AGBL1: variants seen among roughly 807,000 people sequenced by gnomAD.
AGBL1 encodes the protein AGBL carboxypeptidase 1, also known as cytosolic carboxypeptidase 4.
A neutral mutation model predicts 118.9 loss-of-function variants in AGBL1; 130 were observed. The observed-to-expected ratio is 1.09, with a 90% CI of 0.95 to 1.26. The LOEUF is 1.26. Among genes scored for constraint, AGBL1 ranks in the 50% most tolerant of loss-of-function variants. The pLI is 0.00. For synonymous variants in AGBL1, 555 were observed against 478.9 expected (o/e 1.16, Z -2.08); for missense variants, 1,584 against 1,298.1 (o/e 1.22, Z -3.38).
chr15:86,692,109 C>T (rs1053577711), intron 22 of AGBL1, among the ~76,000 whole-genome samples: 5 of 151,882 alleles, frequency 3.3e-5, no homozygotes, highest in African/African-American at 7.2e-5. Flanking sequence ...ACCCGGGAGG[C>T]GGAGCTTGCA....
At chr15:86,999,272 C>T (rs1351205089) in intron 24 of AGBL1, among the ~76,000 whole-genome samples, 1 of 151,250 alleles carries the variant, frequency 6.6e-6, no homozygotes, top group Non-Finnish European at 1.5e-5. Flanking sequence ...GCACATTGTG[C>T]AGGTTAGTTA....
chr15:86,234,774 G>C (rs1458981682), intron 6 of AGBL1, among the ~76,000 whole-genome samples: 1 of 152,062 alleles, frequency 6.6e-6, no homozygotes, highest in Non-Finnish European at 1.5e-5. Context: ...TAAAAGAGTG[G>C]GAGTACAGTA....
chr15:86,788,939 A>G (rs1442230602), intron 22 of AGBL1, among the ~76,000 whole-genome samples: 1 of 152,206 alleles, frequency 6.6e-6, no homozygotes, highest in Non-Finnish European at 1.5e-5. Flanking sequence ...CAAATCATAG[A>G]AAAAGAAGTA....
At chr15:86,566,362 CTAT>C (rs1275126926) in intron 21 of AGBL1, among the ~76,000 whole-genome samples, 7,319 of 152,226 alleles carry the variant, frequency 0.048, 484 homozygotes, top group African/African-American at 0.15. Flanking sequence ...TTTGGCTGTT[CTAT>C]CCACTATTTC....
chr15:86,622,666 C>T (rs915265375), intron 21 of AGBL1, among the ~76,000 whole-genome samples: 2 of 152,032 alleles, frequency 1.3e-5, no homozygotes, highest in African/African-American at 2.4e-5. Context: ...GGGGGACACA[C>T]GTTCTAGACC....
At chr15:86,476,027 T>C (rs901513579) in intron 18 of AGBL1, among the ~76,000 whole-genome samples, 14 of 152,070 alleles carry the variant, frequency 9.2e-5, no homozygotes, top group Non-Finnish European at 1.8e-4. Context: ...GACAAGCAAA[T>C]GCTGAGAGAT....
At chr15:86,632,284 A>T (rs1196198964) in intron 21 of AGBL1, among the ~76,000 whole-genome samples, 6 of 150,902 alleles carry the variant, frequency 4.0e-5, no homozygotes, top group African/African-American at 1.5e-4. Flanking sequence ...TAAAAAAAAA[A>T]AAAAAAAAGG....
At chr15:86,227,938 G>A (rs2078393209) in intron 6 of AGBL1, among the ~76,000 whole-genome samples, 2 of 152,314 alleles carry the variant, frequency 1.3e-5, no homozygotes, top group East Asian at 1.9e-4. Flanking sequence ...CTGAGATCAT[G>A]TTTAAGCTCA....
Position 86,915,800 on chromosome 15 carries a change from G to T in AGBL1, c.*8506G>T, listed in dbSNP as rs2080414860. On this transcript the variant is annotated 3_prime_UTR_variant, in exon 23 of 23. Coordinates refer to ENST00000614907, the MANE Select transcript of AGBL1 (RefSeq NM_001386094.1). ...TGAGATCTTAATTTCTGTTAGAACG[G>T]TCTCCTGAGAATGACCTCCTACCCG... The T allele has an allele frequency of 6.6e-6, 1 of 152,182 alleles. No homozygotes were observed. The highest frequency in any genetic ancestry group is 6.5e-5 in the Admixed American group (1 of 15,276). 9.4% of individuals were successfully genotyped at this position (152,182 alleles called of 1,614,324 possible).
chr15:86,310,023 T>G (rs2079896012), intron 17 of AGBL1, among the ~76,000 whole-genome samples: 1 of 152,246 alleles, frequency 6.6e-6, no homozygotes, highest in South Asian at 2.1e-4. Context: ...CTTTAAATAC[T>G]TGGTAGAATT....
chr15:86,468,397 C>T (rs1020525174), intron 18 of AGBL1, among the ~76,000 whole-genome samples: 9 of 152,254 alleles, frequency 5.9e-5, no homozygotes, highest in African/African-American at 2.2e-4. Context: ...GCTTGTTAAG[C>T]TTGGGGTGTA....
chr15:86,087,388 G>A lies in AGBL1; in HGVS notation c.51+7365G>A, dbSNP rs976795601. On this transcript the variant is annotated intron_variant, in intron 1 of 22. Coordinates refer to ENST00000614907, the MANE Select transcript of AGBL1 (RefSeq NM_001386094.1). ...CTTTCACCCAGGCTGGAGTGCAGTG[G>A]CACGATCTCGGCTCACTGCAATCTC... 2.0e-5 allele frequency among the ~76,000 whole-genome samples: 3 copies of A among 151,302 alleles called. No homozygotes were observed. In the East Asian group the frequency reaches 5.9e-4, roughly 30 times the overall value.
At chr15:86,695,635 G>GT (rs1372537772) in intron 22 of AGBL1, among the ~76,000 whole-genome samples, 2 of 151,668 alleles carry the variant, frequency 1.3e-5, no homozygotes, top group Non-Finnish European at 2.9e-5. Flanking sequence ...CTTCTGCTGG[G>GT]TTTGGGTTTG....
intron 22 of AGBL1, among the ~76,000 whole-genome samples, chr15:86,720,439 A>G (rs990021007): frequency 6.6e-6 from 1 of 152,192 alleles, no homozygotes; most frequent in African/African-American, 2.4e-5. Context: ...AGATTGTATT[A>G]AAGTTCTCAA....
intron 24 of AGBL1, among the ~76,000 whole-genome samples, chr15:86,993,324 C>A (rs2081350718): frequency 6.6e-6 from 1 of 152,088 alleles, no homozygotes; most frequent in African/African-American, 2.4e-5. Flanking sequence ...TTCAAAACTT[C>A]TATTGAATAC....
intron 4 of AGBL1, among the ~76,000 whole-genome samples, chr15:86,154,791 C>A (rs2077165925): frequency 6.6e-6 from 1 of 152,150 alleles, no homozygotes; most frequent in Non-Finnish European, 1.5e-5. Context: ...TAGAGATGGA[C>A]TTCAATATTG....
intron 22 of AGBL1, among the ~76,000 whole-genome samples, chr15:86,828,305 C>G (rs2079059901): frequency 6.6e-6 from 1 of 151,860 alleles, no homozygotes. Context: ...AATAATAACC[C>G]CCAAATATGT....
chr15:86,351,282 C>G (rs146368546), intron 17 of AGBL1, among the ~76,000 whole-genome samples: 16 of 152,220 alleles, frequency 1.1e-4, no homozygotes, highest in African/African-American at 3.9e-4. Flanking sequence ...CAAACCCACT[C>G]CTATGATAAC....
chr15:86,151,879 T>C (rs185872365), intron 3 of AGBL1, among the ~76,000 whole-genome samples: 1 of 148,680 alleles, frequency 6.7e-6, no homozygotes, highest in South Asian at 2.1e-4. Context: ...CTATACACCA[T>C]TAACAGAGAG....
Sources: allele counts gnomAD v4.1 joint callset (sites outside exome capture counted in the v4.1 genomes callset), GRCh38; gene constraint gnomAD v4.1.1; transcripts MANE v1.5; gene names NCBI Gene and HGNC (gene_info 2026-07-23, HGNC 2026-07-21).